Variants in FAM135B observed in about 807,000 individuals in gnomAD.
FAM135B encodes protein FAM135B.
In FAM135B, 43 loss-of-function variants were observed where a neutral mutation model predicts 127.7. That is an observed-to-expected ratio of 0.34 (90% CI 0.26 to 0.43). The LOEUF (loss-of-function observed/expected upper bound fraction) is 0.43. Ranked by LOEUF, FAM135B falls within the 20% of genes least tolerant of loss-of-function variation. The probability of loss-of-function intolerance (pLI) is 1.00; values close to 1 mark genes in which losing one functional copy is unlikely to be tolerated. For synonymous variants in FAM135B, 670 were observed against 665.1 expected, an observed-to-expected ratio of 1.01 and a Z score of -0.11; for missense variants, 1,558 against 1,725.6, an observed-to-expected ratio of 0.90 and a Z score of 1.72.
intron 7 of FAM135B, among the ~76,000 whole-genome samples, chr8:138,225,286 T>C (rs538684456): frequency 4.3e-4 from 66 of 152,038 alleles, no homozygotes; most frequent in African/African-American, 1.5e-3. Flanking sequence ...ATAGGAAAGA[T>C]ATGGATCTCT....
intron 12 of FAM135B, among the ~76,000 whole-genome samples, chr8:138,167,195 A>T (rs1355346468): frequency 6.6e-6 from 1 of 151,928 alleles, no homozygotes; most frequent in Non-Finnish European, 1.5e-5. Flanking sequence ...ATTTGTTATT[A>T]TTATTTTTTT....
At chr8:138,260,487 C>A (rs772181702) in intron 4 of FAM135B, among the ~76,000 whole-genome samples, 1 of 152,198 alleles carries the variant, frequency 6.6e-6, no homozygotes, top group Non-Finnish European at 1.5e-5. Flanking sequence ...GTTCTTATAA[C>A]TCATCCTGAA....
Position 138,132,929 on chromosome 8 carries a change from T to C in FAM135B, c.4016-131A>G. 1 of 727,042 alleles carries C rather than the reference T, an allele frequency of 1.4e-6. No individual in the cohort carries two copies. Among genetic ancestry groups the C allele is most frequent in the East Asian group, 2.5e-5 (1 of 39,882 alleles). The allele number at this position is 727,042 out of a possible 1,614,324, so 45.0% of individuals were successfully genotyped here. ...TATACAGCAGTTTCCAACCTCTTCC[T>C]AATGTTAGTGAAATTAATATGAAAT... On this transcript the variant is annotated intron_variant, in intron 19 of 19. Transcript: ENST00000395297. The surrounding 1 kb of genome is among the most constrained non-coding windows in gnomAD (Gnocchi z 4.5).
At chr8:138,383,185 G>T (rs373691295) in intron 1 of FAM135B, among the ~76,000 whole-genome samples, 31 of 152,292 alleles carry the variant, frequency 2.0e-4, no homozygotes, top group African/African-American at 6.3e-4. Context: ...TGAGGCTCAG[G>T]CCCAGGAGCT....
chr8:138,255,218 A>T (rs1304332892), intron 5 of FAM135B, among the ~76,000 whole-genome samples: 1 of 152,052 alleles, frequency 6.6e-6, no homozygotes, highest in Non-Finnish European at 1.5e-5. Flanking sequence ...GAAGGGATAA[A>T]GGGAACAGTT....
intron 9 of FAM135B, among the ~76,000 whole-genome samples, chr8:138,187,235 G>A (rs1027323785): frequency 9.9e-5 from 15 of 152,216 alleles, no homozygotes; most frequent in African/African-American, 3.6e-4. Flanking sequence ...TGAAAAGGCT[G>A]CTGCTTGGCC....
chr8:138,138,766 C>A (rs1816873621), intron 18 of FAM135B, among the ~76,000 whole-genome samples: 1 of 152,254 alleles, frequency 6.6e-6, no homozygotes, highest in African/African-American at 2.4e-5. Context: ...CTTACACACA[C>A]CTTGGCTCAA....
chr8:138,399,274 C>G (rs757853712), intron 1 of FAM135B, among the ~76,000 whole-genome samples: 1 of 152,146 alleles, frequency 6.6e-6, no homozygotes. Context: ...CACAGCAACC[C>G]TATAAGATGT....
chr8:138,220,092 T>TACACACACACACAC (rs1818911694), intron 7 of FAM135B, among the ~76,000 whole-genome samples: 3 of 61,812 alleles, frequency 4.9e-5, no homozygotes, highest in Non-Finnish European at 1.1e-4. Context: ...CACACACACG[T>TACACACACACACAC]GCTCATGTGC....
At chr8:138,388,392 A>G (rs551650808) in intron 1 of FAM135B, among the ~76,000 whole-genome samples, 2 of 152,356 alleles carry the variant, frequency 1.3e-5, no homozygotes, top group African/African-American at 4.8e-5. Context: ...TGTGCTCCCC[A>G]GTACCTACCC....
At chr8:138,380,249 G>A (rs779379638) in intron 1 of FAM135B, among the ~76,000 whole-genome samples, 20 of 151,850 alleles carry the variant, frequency 1.3e-4, no homozygotes, top group Non-Finnish European at 2.5e-4. Context: ...CCAAGCTGGA[G>A]CGTAGTGGTG....
At chr8:138,450,600 G>A (rs1440263479) in intron 1 of FAM135B, 1 of 152,132 alleles carries the variant, frequency 6.6e-6, no homozygotes, top group Non-Finnish European at 1.5e-5. Context: ...GATAAACTAT[G>A]ATATGGAGCT....
chr8:138,407,273 G>A (rs891435494), intron 1 of FAM135B, among the ~76,000 whole-genome samples: 2 of 151,826 alleles, frequency 1.3e-5, no homozygotes, highest in African/African-American at 4.8e-5. Context: ...CAAACAAATG[G>A]AAGAACATTC....
chr8:138,342,047 T>C (rs755928837), intron 2 of FAM135B, among the ~76,000 whole-genome samples: 2 of 152,340 alleles, frequency 1.3e-5, no homozygotes, highest in Middle Eastern at 3.4e-3. Context: ...AACCCTGTCA[T>C]TAATTACTGC....
intron 1 of FAM135B, among the ~76,000 whole-genome samples, chr8:138,492,573 C>A (rs897435834): frequency 1.3e-5 from 2 of 152,104 alleles, no homozygotes; most frequent in Non-Finnish European, 2.9e-5. Context: ...GCTTGCAAAA[C>A]TCTCAAACGT....
At chr8:138,173,723 A>G (rs1415242314) in intron 11 of FAM135B, among the ~76,000 whole-genome samples, 2 of 152,242 alleles carry the variant, frequency 1.3e-5, no homozygotes, top group East Asian at 3.9e-4. Context: ...TTGAAAAGTT[A>G]AAACTTACAA....
At chr8:138,394,484 C>T (rs1437478624) in intron 1 of FAM135B, among the ~76,000 whole-genome samples, 2 of 152,078 alleles carry the variant, frequency 1.3e-5, no homozygotes, top group African/African-American at 4.8e-5. Flanking sequence ...GGATTTGGAC[C>T]CAGGATGGTG....
chr8:138,279,417 C>T (rs1168098528), intron 3 of FAM135B, among the ~76,000 whole-genome samples: 2 of 152,154 alleles, frequency 1.3e-5, no homozygotes, highest in South Asian at 2.1e-4. Context: ...TAGCATCATC[C>T]TCACCTCAAA....
intron 3 of FAM135B, among the ~76,000 whole-genome samples, chr8:138,286,338 G>A (rs2130771587): frequency 6.6e-6 from 1 of 152,328 alleles, no homozygotes; most frequent in African/African-American, 2.4e-5. Context: ...GAGGAACATG[G>A]TGTCAGGTAG....
Sources: allele counts gnomAD v4.1 joint callset (sites outside exome capture counted in the v4.1 genomes callset), GRCh38; gene constraint gnomAD v4.1.1; non-coding constraint Gnocchi (gnomAD v3.1); transcripts MANE v1.5; gene names NCBI Gene and HGNC (gene_info 2026-07-23, HGNC 2026-07-21).